The following SPMIP7 variants were observed in gnomAD, a reference collection of about 807,000 sequenced individuals.
SPMIP7 encodes sperm microtubule inner protein 7.
chr7:50,158,326 T>A, the SPMIP7 span, among the ~76,000 whole-genome samples: 1 of 145,694 alleles, frequency 6.9e-6, no homozygotes. Flanking sequence ...GAGGCCTGGG[T>A]CCCTGCCACC....
chr7:50,136,178 T>G, the SPMIP7 span: 4 of 1,524,600 alleles, frequency 2.6e-6, no homozygotes, highest in Non-Finnish European at 3.6e-6. Flanking sequence ...AAGTTTTATC[T>G]CCTAAAGTTC....
chr7:50,150,791 G>A, the SPMIP7 span, among the ~76,000 whole-genome samples: 39 of 152,292 alleles, frequency 2.6e-4, no homozygotes, highest in Middle Eastern at 0.014. Context: ...CTGAAGAACG[G>A]CTTCTTCACT....
At chr7:50,098,314 C>A in the SPMIP7 span, among the ~76,000 whole-genome samples, 888 of 152,264 alleles carry the variant, frequency 5.8e-3, 10 homozygotes, top group African/African-American at 0.021. Flanking sequence ...ATTAACAATT[C>A]TAAACTTATT....
At chr7:50,145,614 GTGTGTATATATATATATATATATA>G in the SPMIP7 span, among the ~76,000 whole-genome samples, 1,099 of 39,062 alleles carry the variant, frequency 0.028, 209 homozygotes, top group East Asian at 0.38. Context: ...GTGTATATGT[GTGTGTATATATATATATATATATA>G]TATATATATA....
At chr7:50,097,298 CA>C in the SPMIP7 span, among the ~76,000 whole-genome samples, 1 of 152,148 alleles carries the variant, frequency 6.6e-6, no homozygotes, top group East Asian at 1.9e-4. Context: ...GTAAAAAGAT[CA>C]ACATTTTTAG....
At chr7:50,102,414 G>T in the SPMIP7 span, among the ~76,000 whole-genome samples, 11 of 152,150 alleles carry the variant, frequency 7.2e-5, no homozygotes, top group African/African-American at 1.7e-4. Context: ...CATTCAGATT[G>T]TTGCAGAATC....
At chr7:50,121,557 A>G in the SPMIP7 span, among the ~76,000 whole-genome samples, 1 of 151,870 alleles carries the variant, frequency 6.6e-6, no homozygotes, top group East Asian at 1.9e-4. Flanking sequence ...TTGTAGTGGA[A>G]CTCTCTGAAC....
the SPMIP7 span, among the ~76,000 whole-genome samples, chr7:50,096,826 T>A: frequency 6.6e-6 from 1 of 152,166 alleles, no homozygotes; most frequent in Non-Finnish European, 1.5e-5. Flanking sequence ...TAAAAGAAAA[T>A]TTATTCTTTA....
chr7:50,158,294 T>A, the SPMIP7 span, among the ~76,000 whole-genome samples: 1 of 148,878 alleles, frequency 6.7e-6, no homozygotes. Flanking sequence ...GACCCAGCCA[T>A]GTCTTCTTCT....
the SPMIP7 span, among the ~76,000 whole-genome samples, chr7:50,118,332 C>T: frequency 5.9e-5 from 9 of 152,268 alleles, no homozygotes; most frequent in Admixed American, 4.6e-4. Context: ...TAACAGACAG[C>T]ATGATCCAAA....
the SPMIP7 span, among the ~76,000 whole-genome samples, chr7:50,099,417 G>T: frequency 6.6e-6 from 1 of 152,274 alleles, no homozygotes; most frequent in East Asian, 1.9e-4. Flanking sequence ...TTCTGAAAAT[G>T]TATCTTATTC....
chr7:50,149,065 A>G, the SPMIP7 span, among the ~76,000 whole-genome samples: 2 of 152,110 alleles, frequency 1.3e-5, no homozygotes, highest in Non-Finnish European at 2.9e-5. Flanking sequence ...GAACCACTTG[A>G]ACCCAGGAGG....
At chr7:50,118,757 C>A in the SPMIP7 span, among the ~76,000 whole-genome samples, 1 of 152,134 alleles carries the variant, frequency 6.6e-6, no homozygotes, top group Non-Finnish European at 1.5e-5. Flanking sequence ...TGGCATTTTA[C>A]AGCTGAAATT....
At chr7:50,101,607 T>G in the SPMIP7 span, among the ~76,000 whole-genome samples, 236 of 152,324 alleles carry the variant, frequency 1.5e-3, no homozygotes, top group African/African-American at 5.6e-3. Flanking sequence ...GCGGTGTAAT[T>G]CATCGTCCAG....
chr7:50,159,234 A>G, the SPMIP7 span: 1 of 1,520,402 alleles, frequency 6.6e-7, no homozygotes, highest in Non-Finnish European at 8.9e-7. Flanking sequence ...GCGGTGGGAA[A>G]TAAAGGCTGC....
chr7:50,125,509 A>C, the SPMIP7 span, among the ~76,000 whole-genome samples: 27 of 151,134 alleles, frequency 1.8e-4, no homozygotes, highest in East Asian at 4.4e-3. Flanking sequence ...TAGATACACA[A>C]GAGAAAAAAT....
the SPMIP7 span, chr7:50,151,344 G>A: frequency 3.3e-6 from 3 of 919,814 alleles, no homozygotes; most frequent in East Asian, 2.6e-5. Flanking sequence ...AAATTAGACT[G>A]CATATTTCTT....
At chr7:50,100,396 C>T in the SPMIP7 span, among the ~76,000 whole-genome samples, 1 of 152,236 alleles carries the variant, frequency 6.6e-6, no homozygotes, top group Admixed American at 6.5e-5. Flanking sequence ...TTCTGTATTT[C>T]TCACAAAGGT....
At chr7:50,154,648 T>C in the SPMIP7 span, among the ~76,000 whole-genome samples, 1 of 152,250 alleles carries the variant, frequency 6.6e-6, no homozygotes, top group Admixed American at 6.5e-5. Context: ...TGTCCATATC[T>C]TGGCTATTGT....
Sources: gnomAD v4.1 joint callset for allele counts (sites outside exome capture counted in the v4.1 genomes callset) on GRCh38, gnomAD v4.1.1 for gene constraint, MANE v1.5 for transcripts, NCBI Gene and HGNC (gene_info 2026-07-23, HGNC 2026-07-21) for gene names.